The following KIF7 variants were observed in gnomAD, a reference collection of about 807,000 sequenced individuals.
KIF7 encodes kinesin-like protein KIF7.
Under a neutral mutation model 135.7 loss-of-function variants are expected in KIF7, and 104 were observed. The observed-to-expected ratio is 0.77, with a 90% confidence interval of 0.65 to 0.90. KIF7 has a LOEUF of 0.90. Among genes scored for constraint, KIF7 ranks in the 40% least tolerant of loss-of-function variants. KIF7 has a pLI of 0.00. For synonymous variants in KIF7, 883 were observed against 809.4 expected (o/e 1.09, Z -1.54); for missense variants, 2,005 against 1,839.1 (o/e 1.09, Z -1.65).
chr15:89,649,687 G>C, intron 3 of KIF7, 54 bp downstream of exon 3: 4 of 1,525,106 alleles, frequency 2.6e-6, no homozygotes, highest in Non-Finnish European at 3.5e-6. Context: ...ACTCCAAACA[G>C]GTGAAGCCCC....
At chr15:89,621,435 A>C in intron 1 of KIF7, 1 of 1,613,978 alleles carries the variant, frequency 6.2e-7, no homozygotes, top group Non-Finnish European at 8.5e-7. Flanking sequence ...CGGTCTCCCA[A>C]GAGTCTTCTT....
intron 14 of KIF7, among the ~76,000 whole-genome samples, chr15:89,632,254 A>G (rs1963695790): frequency 6.6e-6 from 1 of 152,164 alleles, no homozygotes; most frequent in South Asian, 2.1e-4. Flanking sequence ...CCCTGCATCA[A>G]TGACGGCCAT....
In KIF7 at chr15:89,638,809, A is replaced by G. The variant is rs1277682759; in HGVS notation, c.2394+3394T>C. Among the ~76,000 whole-genome samples the G allele has an allele frequency of 4.0e-4, 60 of 151,416 alleles. 2 individuals carry two copies. The highest frequency in any genetic ancestry group is 1.6e-3 in the Admixed American group (24 of 15,166). ...GAAAAAACTACTTTAAAGTTCATATAGAACCAAAAAAGAGCCTGCATCACC... is the reference window on the plus strand; with the variant it reads ...GAAAAAACTACTTTAAAGTTCATATGGAACCAAAAAAGAGCCTGCATCACC... On this transcript the variant is annotated intron_variant, in intron 11 of 18. Coordinates refer to ENST00000394412, the MANE Select transcript of KIF7 (RefSeq NM_198525.3).
rs915693565 is a variant in KIF7 at position 89,644,553 on chromosome 15, C to T, written c.2191+460G>A. 4.0e-5 allele frequency among the ~76,000 whole-genome samples: 6 copies of T among 151,484 alleles called. No individual in the cohort carries two copies. In the East Asian group the frequency reaches 5.8e-4, roughly 15 times the overall value. On this transcript the variant is annotated intron_variant, in intron 10 of 18. Coordinates refer to ENST00000394412, the MANE Select transcript of KIF7 (RefSeq NM_198525.3). ...AAAAAAAATTAGGTGGGTGTGGTGG[C>T]GGGCGCCTGTAATCCCAGCTACTCG...
In KIF7 at chr15:89,649,174, G is replaced by A; in HGVS notation, c.723C>T (p.Gly241=). The A allele has an allele frequency of 1.9e-6, 3 of 1,547,866 alleles. No individual in the cohort carries two copies. Among genetic ancestry groups the A allele is most frequent in the Non-Finnish European group, 1.7e-6 (2 of 1,146,620 alleles). The change falls in exon 4 of 19, where the codon GGC becomes GGT. Residue 241 remains glycine, a synonymous_variant. Coordinates refer to ENST00000394412, the MANE Select transcript of KIF7 (RefSeq NM_198525.3). ...APSRLPRPAP[G]QLLVSKFHFV... ...AGTGGAACTTGGAGACGAGCAGCTG[G>A]CCCGGGGCGGGGCGGGGTAGGCGGC...
chr15:89,623,866 A>G (rs1397867986), downstream of KIF7: 1 of 1,613,912 alleles, frequency 6.2e-7, no homozygotes, highest in Non-Finnish European at 8.5e-7. Flanking sequence ...AGGAGAAGGT[A>G]CCTCTCTTGA....
Position 89,648,617 on chromosome 15 carries a change from C to A in KIF7, c.1081G>T (p.Ala361Ser). 1 of 1,534,470 alleles carries A rather than the reference C, an allele frequency of 6.5e-7. No homozygotes were observed. The highest frequency in any genetic ancestry group is 8.7e-7 in the Non-Finnish European group (1 of 1,145,626). ...NRATVNWRPE[A>S]ERPPEETASG... ...GCCGTCTCTTCGGGTGGCCGCTCGG[C>A]CTCGGGCCGCCAGTTGACCGTGGCG... The change falls in exon 5 of 19, where the codon GCC (alanine) becomes TCC (serine). Residue 361 changes from alanine (A) to serine (S), a missense_variant. Transcript: ENST00000394412.
At chr15:89,626,762 C>T (rs1963535401), downstream of KIF7, among the ~76,000 whole-genome samples, 1 of 152,200 alleles carries the variant, frequency 6.6e-6, no homozygotes, top group Admixed American at 6.5e-5. Flanking sequence ...TTGCTGCCAG[C>T]ACGGTGCATA....
downstream of KIF7, chr15:89,626,847 G>C (rs1963536751): frequency 3.9e-6 from 5 of 1,267,508 alleles, no homozygotes; most frequent in East Asian, 2.3e-5. Flanking sequence ...AAGCAGTGCT[G>C]ATTTTCTTAA....
rs530216232 is a variant in KIF7 at position 89,631,863 on chromosome 15, A to G, written c.2896-153T>C. Among the ~76,000 whole-genome samples the G allele has an allele frequency of 1.2e-3, 177 of 152,324 alleles. 2 individuals carry two copies. The South Asian group carries it at 0.021, about 18-fold the overall frequency. ...TCAGCAGGGAGACCAGACTTAGTTCACAGAGACTCCAGGAGGCGGGGCTAA... is the reference window on the plus strand; with the variant it reads ...TCAGCAGGGAGACCAGACTTAGTTCGCAGAGACTCCAGGAGGCGGGGCTAA... On this transcript the variant is annotated intron_variant, in intron 14 of 18. Coordinates refer to ENST00000394412, the MANE Select transcript of KIF7 (RefSeq NM_198525.3).
rs1964048628 is a variant in KIF7, at chr15:89,648,105, C to A, written c.1443+150G>T. 7 of 1,337,512 alleles carry A rather than the reference C, an allele frequency of 5.2e-6. No homozygotes were observed. The South Asian group carries it at 1.2e-4, about 23-fold the overall frequency. 82.9% of individuals were successfully genotyped at this position (1,337,512 alleles called of 1,614,324 possible). A position where few individuals can be genotyped will look rare whatever the true frequency, so the allele number is the denominator to read the frequency against. ...AGACTCGGTGAAGTTAAGGAAGTGA[C>A]CACGGTAATCAGCAGAAGTGACCGA... On this transcript the variant is annotated intron_variant, in intron 5 of 18. Transcript: ENST00000394412.
At chr15:89,635,752 T>A (rs1963793387) in intron 11 of KIF7, among the ~76,000 whole-genome samples, 2 of 152,164 alleles carry the variant, frequency 1.3e-5, no homozygotes, top group Non-Finnish European at 2.9e-5. Flanking sequence ...GAAAACACTC[T>A]GCAGGATATT....
At chr15:89,629,894 A>G in intron 16 of KIF7, 1 of 524,714 alleles carries the variant, frequency 1.9e-6, no homozygotes, top group South Asian at 2.3e-5. Flanking sequence ...GGGACCAGAT[A>G]ATTCTTGGTT....
intron 1 of KIF7, among the ~76,000 whole-genome samples, chr15:89,622,600 G>C (rs547483267): frequency 7.8e-6 from 1 of 127,736 alleles, no homozygotes; most frequent in East Asian, 2.4e-4. Context: ...TAGAGCTCTG[G>C]AGAAGGGTCT....
intron 2 of KIF7, among the ~76,000 whole-genome samples, chr15:89,617,385 G>T (rs1210759139): frequency 6.6e-6 from 1 of 152,182 alleles, no homozygotes; most frequent in Non-Finnish European, 1.5e-5. Flanking sequence ...CTCTTAAACA[G>T]AAACTTGAAT....
At chr15:89,621,828 C>T (rs1963429904) in intron 1 of KIF7, among the ~76,000 whole-genome samples, 1 of 152,096 alleles carries the variant, frequency 6.6e-6, no homozygotes, top group Non-Finnish European at 1.5e-5. Context: ...ATATACTGCA[C>T]AGATACCTTT....
rs887506789 is a variant in KIF7 at position 89,632,904 on chromosome 15, G to A, written c.2811C>T (p.His937=). ...TCTTGGCCAGGATGGCCTCCCGCTT[G>A]TGGAGCTCCTCCCCCAGCTCCTCCA... ...RALEELGEEL[H]KREAILAKKE... Residue 937 remains histidine (H), a synonymous_variant, in exon 14 of 19, where the codon CAC becomes CAT. Coordinates refer to ENST00000394412, the MANE Select transcript of KIF7 (RefSeq NM_198525.3). 2 of 1,610,344 alleles carry A rather than the reference G, an allele frequency of 1.2e-6. No homozygotes were observed. Among genetic ancestry groups the A allele is most frequent in the Middle Eastern group, 1.7e-4 (1 of 6,060 alleles).
chr15:89,631,370 G>T, intron 15 of KIF7, 125 bp downstream of exon 15: 1 of 851,836 alleles, frequency 1.2e-6, no homozygotes, highest in Non-Finnish European at 1.8e-6. Context: ...CCACCTAACA[G>T]TGAAAACTTG....
downstream of KIF7, chr15:89,625,165 C>G (rs1348451682): frequency 6.2e-7 from 1 of 1,613,714 alleles, no homozygotes; most frequent in Non-Finnish European, 8.5e-7. Flanking sequence ...CAAACCTGAA[C>G]CCACCTATGT....
Sources: gnomAD v4.1 joint callset for allele counts (sites outside exome capture counted in the v4.1 genomes callset) on GRCh38, gnomAD v4.1.1 for gene constraint, MANE v1.5 for transcripts, NCBI Gene and HGNC (gene_info 2026-07-23, HGNC 2026-07-21) for gene names.